The following LYRM4 variants were observed in gnomAD, a reference collection of about 807,000 sequenced individuals.
LYRM4 encodes LYR motif containing 4, also known as LYR motif-containing protein 4.
A neutral mutation model predicts 11.7 loss-of-function variants in LYRM4; 9 were observed. The observed-to-expected ratio is 0.77, with a 90% CI of 0.46 to 1.34. The LOEUF (loss-of-function observed/expected upper bound fraction) is 1.34, where lower values mean the gene tolerates loss of function less well. Among genes scored for constraint, LYRM4 ranks in the 40% most tolerant of loss-of-function variants. The pLI is 0.00. For missense variants in LYRM4, 133 were observed against 112.5 expected (o/e 1.18, Z -0.82); for synonymous variants, 42 against 40.4 (o/e 1.04, Z -0.15).
At chr6:5,215,072 T>A (rs1762199381) in intron 2 of LYRM4, among the ~76,000 whole-genome samples, 1 of 151,396 alleles carries the variant, frequency 6.6e-6, no homozygotes, top group East Asian at 1.9e-4. Flanking sequence ...GTTTGAGCAT[T>A]TCAAACCAAG....
chr6:5,086,354 A>G, the LYRM4 span: 3 of 1,535,950 alleles, frequency 2.0e-6, no homozygotes, highest in Non-Finnish European at 2.6e-6. Context: ...GGGTCCGGGG[A>G]TGCCAAGAAA....
In LYRM4 at chr6:5,223,785, G is replaced by A. The variant is rs1018192670; in HGVS notation, c.87-7047C>T. 1.6e-3 allele frequency among the ~76,000 whole-genome samples: 247 copies of A among 152,318 alleles called. 6 individuals are homozygous for A. Among genetic ancestry groups the A allele is most frequent in the Admixed American group, 0.016 (245 of 15,302 alleles). On this transcript the variant is annotated intron_variant, in intron 1 of 2. Transcript: ENST00000330636. ...GGAAGAGGGCAACCAATGGAGGCTC[G>A]TGGAGTGGCAGGTGAAATTACCATG...
chr6:5,155,479 T>C (rs1358897748), intron 2 of LYRM4, among the ~76,000 whole-genome samples: 5 of 152,226 alleles, frequency 3.3e-5, no homozygotes, highest in African/African-American at 9.6e-5. Context: ...TGAGATCATA[T>C]ACACAGAAGG....
chr6:5,072,288 T>C, the LYRM4 span, among the ~76,000 whole-genome samples: 1 of 152,214 alleles, frequency 6.6e-6, no homozygotes, highest in African/African-American at 2.4e-5. Flanking sequence ...AATAAGCATA[T>C]GTGTGCATGT....
intron 1 of LYRM4, among the ~76,000 whole-genome samples, chr6:5,255,110 G>A (rs1764606468): frequency 6.6e-6 from 1 of 152,084 alleles, no homozygotes; most frequent in South Asian, 2.1e-4. Context: ...TGACTATCTT[G>A]ACTTCTGCAA....
At chr6:5,228,187 T>G (rs747152044) in intron 1 of LYRM4, among the ~76,000 whole-genome samples, 1 of 152,134 alleles carries the variant, frequency 6.6e-6, no homozygotes, top group Non-Finnish European at 1.5e-5. Flanking sequence ...GATCACAATG[T>G]AGTAAATATG....
At chr6:5,118,079 A>AATATATATATATATATAT (rs113661997) in intron 2 of LYRM4, among the ~76,000 whole-genome samples, 34 of 40,364 alleles carry the variant, frequency 8.4e-4, no homozygotes, top group Non-Finnish European at 1.4e-3. Flanking sequence ...TCACCAAAAC[A>AATATATATATATATATAT]ATATATATAT....
the LYRM4 span, chr6:5,065,795 C>A: frequency 3.2e-6 from 1 of 309,580 alleles, no homozygotes; most frequent in Non-Finnish European, 5.6e-6. Context: ...AGTCTAGTTG[C>A]TACATATTTA....
chr6:5,120,493 G>A (rs762351243), intron 2 of LYRM4, among the ~76,000 whole-genome samples: 1 of 152,168 alleles, frequency 6.6e-6, no homozygotes, highest in Non-Finnish European at 1.5e-5. Context: ...CCCAAAAAGT[G>A]AGCAGCAGCA....
chr6:5,086,074 C>T, the LYRM4 span: 7 of 1,469,260 alleles, frequency 4.8e-6, no homozygotes, highest in Non-Finnish European at 6.3e-6. Flanking sequence ...GCCTTCCCGG[C>T]TCCGGCCGCT....
chr6:5,117,330 G>C (rs1031075688), intron 2 of LYRM4, among the ~76,000 whole-genome samples: 2 of 152,228 alleles, frequency 1.3e-5, no homozygotes, highest in African/African-American at 4.8e-5. Flanking sequence ...CCCGAGGTGG[G>C]TGGATCACGA....
chr6:5,069,196 A>G, the LYRM4 span, among the ~76,000 whole-genome samples: 1 of 152,148 alleles, frequency 6.6e-6, no homozygotes. Context: ...AGCATCTCAA[A>G]CATTTTGTTC....
At chr6:5,086,519 C>G in the LYRM4 span, 2 of 1,534,204 alleles carry the variant, frequency 1.3e-6, no homozygotes, top group Non-Finnish European at 1.7e-6. Context: ...AACGCGGGCG[C>G]CAACTACACG....
At chr6:5,217,938 T>C (rs536898555) in intron 1 of LYRM4, among the ~76,000 whole-genome samples, 15 of 152,090 alleles carry the variant, frequency 9.9e-5, no homozygotes, top group Non-Finnish European at 2.2e-4. Context: ...TTTTTAGAGA[T>C]GGGGTGTCCC....
intron 1 of LYRM4, among the ~76,000 whole-genome samples, chr6:5,244,082 G>A (rs747585366): frequency 7.2e-5 from 11 of 152,174 alleles, no homozygotes; most frequent in African/African-American, 1.2e-4. Flanking sequence ...AGGATTTCTC[G>A]ACTTTATGAT....
At chr6:5,209,922 T>A (rs889667591) in intron 2 of LYRM4, among the ~76,000 whole-genome samples, 1 of 152,226 alleles carries the variant, frequency 6.6e-6, no homozygotes, top group Non-Finnish European at 1.5e-5. Context: ...CTTCAACTAT[T>A]ATTTCATTTT....
At chr6:5,199,878 C>A (rs1395474080) in intron 2 of LYRM4, among the ~76,000 whole-genome samples, 1 of 152,196 alleles carries the variant, frequency 6.6e-6, no homozygotes, top group African/African-American at 2.4e-5. Flanking sequence ...TTGCTGCCCC[C>A]AAGGTGCTAT....
chr6:5,096,636 C>T, the LYRM4 span, among the ~76,000 whole-genome samples: 1 of 152,284 alleles, frequency 6.6e-6, no homozygotes, highest in South Asian at 2.1e-4. Flanking sequence ...CCAGCTCACC[C>T]CTGGCTAGCC....
chr6:5,256,490 G>GAAAAAAAAAAAAAAA lies in LYRM4; in HGVS notation c.86+4157_86+4158insTTTTTTTTTTTTTTT, dbSNP rs777995486. ...GGGCAACAAGGGCAAGATTTCAACT[G>GAAAAAAAAAAAAAAA]GAAAAAAAAAAAAAAAAAAAAAAAA... On this transcript the variant is annotated intron_variant, in intron 1 of 2. Transcript: ENST00000330636. Among the ~76,000 whole-genome samples the GAAAAAAAAAAAAAAA allele has an allele frequency of 1.1e-3, 42 of 37,522 alleles. 15 individuals are homozygous for GAAAAAAAAAAAAAAA. Among genetic ancestry groups the GAAAAAAAAAAAAAAA allele is most frequent in the Middle Eastern group, 0.019 (1 of 52 alleles). 24.6% of individuals were successfully genotyped at this position (37,522 alleles called of 152,430 possible).
Sources: gnomAD v4.1 joint callset for allele counts (sites outside exome capture counted in the v4.1 genomes callset) on GRCh38, gnomAD v4.1.1 for gene constraint, MANE v1.5 for transcripts, NCBI Gene and HGNC (gene_info 2026-07-23, HGNC 2026-07-21) for gene names.